The following KXD1 variants were observed in gnomAD, a reference collection of about 807,000 sequenced individuals.
The protein encoded by KXD1 is KxDL motif containing 1.
KXD1 carries 5 observed loss-of-function variants against 12.1 expected under a neutral mutation model. That is an observed-to-expected ratio of 0.41 (90% confidence interval 0.22 to 0.87). The LOEUF (loss-of-function observed/expected upper bound fraction) is 0.87, where lower values mean the gene tolerates loss of function less well. Ranked by LOEUF, KXD1 falls within the 40% of genes least tolerant of loss-of-function variation. The pLI is 0.31. For synonymous variants in KXD1, 98 were observed against 100.5 expected (o/e 0.98, Z 0.15); for missense variants, 193 against 244.9 (o/e 0.79, Z 1.41).
At chr19:18,561,960 G>A in intron 1 of KXD1, 76 bp from the exon 2 acceptor site, 3 of 903,538 alleles carry the variant, frequency 3.3e-6, no homozygotes, top group Non-Finnish European at 5.0e-6. Flanking sequence ...TCCAGCACAT[G>A]GCGGTCCCGG....
At chr19:18,567,561 A>G (rs1259315291) in intron 4 of KXD1, among the ~76,000 whole-genome samples, 2 of 152,098 alleles carry the variant, frequency 1.3e-5, no homozygotes, top group South Asian at 2.1e-4. Context: ...GCTGTTACCC[A>G]CAGTCACCCA....
intron 4 of KXD1, among the ~76,000 whole-genome samples, chr19:18,567,875 T>C (rs1224039184): frequency 6.6e-6 from 1 of 152,198 alleles, no homozygotes; most frequent in Non-Finnish European, 1.5e-5. Flanking sequence ...TCAGGGCTCC[T>C]GTAGGCCTAA....
At chr19:18,567,093 T>C in intron 3 of KXD1, 39 bp from the exon 4 acceptor site, 1 of 1,609,548 alleles carries the variant, frequency 6.2e-7, no homozygotes, top group Non-Finnish European at 8.5e-7. Context: ...GCCTACCTGC[T>C]CAGCAGGTTA....
chr19:18,561,924 A>T (rs1974932426), intron 1 of KXD1, 112 bp from the exon 2 acceptor site: 1 of 604,694 alleles, frequency 1.7e-6, no homozygotes, highest in Non-Finnish European at 2.8e-6. Context: ...TCCCCACTGT[A>T]GGATACCACC....
At chr19:18,559,903 TCTCTCTCTTTCTCTC>T (rs1242458362) in intron 1 of KXD1, 62 of 97,920 alleles carry the variant, frequency 6.3e-4, no homozygotes, top group African/African-American at 1.8e-3. Flanking sequence ...TTTCTCTGTC[TCTCTCTCTTTCTCTC>T]CTCTCTCTTT....
intron 4 of KXD1, among the ~76,000 whole-genome samples, chr19:18,567,669 C>T (rs1000954637): frequency 7.9e-5 from 12 of 152,280 alleles, no homozygotes; most frequent in African/African-American, 2.9e-4. Context: ...AGAGAGCTCG[C>T]GTGTTCTCTG....
At chr19:18,558,379 C>T (rs534544695) in intron 1 of KXD1, 1 of 152,288 alleles carries the variant, frequency 6.6e-6, no homozygotes, top group Non-Finnish European at 1.5e-5. Context: ...GAGCCCGCCC[C>T]TGTGAGCCTC....
At chr19:18,565,061 C>A in intron 3 of KXD1, 40 bp downstream of exon 3, 1 of 1,590,058 alleles carries the variant, frequency 6.3e-7, no homozygotes. Context: ...TGACCTCTGC[C>A]TCCACCTCCC....
At chr19:18,567,284 T>C in intron 4 of KXD1, 106 bp downstream of exon 4, 1 of 1,155,844 alleles carries the variant, frequency 8.7e-7, no homozygotes, top group South Asian at 1.3e-5. Flanking sequence ...CAGGCTGTAA[T>C]GGGCAGTGGG....
At chr19:18,565,909 A>G (rs973042647) in intron 3 of KXD1, among the ~76,000 whole-genome samples, 7 of 152,168 alleles carry the variant, frequency 4.6e-5, no homozygotes, top group Non-Finnish European at 8.8e-5. Flanking sequence ...GCTAGTCTCA[A>G]ACTCCTGAGC....
intron 2 of KXD1, among the ~76,000 whole-genome samples, chr19:18,562,539 C>T (rs1458618719): frequency 6.6e-6 from 1 of 152,232 alleles, no homozygotes; most frequent in Non-Finnish European, 1.5e-5. Flanking sequence ...TGCCTCACTG[C>T]AACCTCCGCC....
chr19:18,560,949 C>T (rs1974897110), intron 1 of KXD1, among the ~76,000 whole-genome samples: 1 of 152,110 alleles, frequency 6.6e-6, no homozygotes, highest in African/African-American at 2.4e-5. Flanking sequence ...TCGTGATCCA[C>T]CTGCCTCGCC....
At chr19:18,567,354 G>T in intron 4 of KXD1, 176 bp downstream of exon 4, 1 of 664,038 alleles carries the variant, frequency 1.5e-6, no homozygotes, top group Non-Finnish European at 2.7e-6. Flanking sequence ...GTCAGCAGCT[G>T]GCAGAGTGGG....
intron 2 of KXD1, among the ~76,000 whole-genome samples, chr19:18,562,784 G>A (rs1360706480): frequency 3.9e-5 from 6 of 152,202 alleles, no homozygotes; most frequent in East Asian, 1.9e-4. Context: ...TTATGCTGGT[G>A]CGCCTACTTC....
At chr19:18,559,990 T>TTCCC (rs138084460) in intron 1 of KXD1, 58,465 of 122,628 alleles carry the variant, frequency 0.48, 14,774 homozygotes, top group East Asian at 0.62. Flanking sequence ...CCTTCCTTCC[T>TTCCC]TCCCTCCCTC....
chr19:18,562,336 A>G (rs1390934297), intron 2 of KXD1, among the ~76,000 whole-genome samples, 179 bp downstream of exon 2: 1 of 152,236 alleles, frequency 6.6e-6, no homozygotes, highest in Non-Finnish European at 1.5e-5. Flanking sequence ...TGGCACAGGA[A>G]GCAGGGCTTT....
chr19:18,567,037 C>A, intron 3 of KXD1, 95 bp from the exon 4 acceptor site: 1 of 1,137,722 alleles, frequency 8.8e-7, no homozygotes, highest in Middle Eastern at 2.2e-4. Flanking sequence ...CCCGTCTCCC[C>A]TTGCCCTCAG....
Position 18,569,029 on chromosome 19 carries a change from T to G in KXD1, c.*398T>G. The G allele has an allele frequency of 4.5e-6, 1 of 223,818 alleles. No individual in the cohort carries two copies. The highest frequency in any genetic ancestry group is 8.9e-6 in the Non-Finnish European group (1 of 111,952). 13.9% of individuals were successfully genotyped at this position (223,818 alleles called of 1,614,324 possible). Reference sequence around the variant, plus strand: ...CTCCTTGAGGTGCACAAGCACGGTCTCCTCTGAGTTCACCCCAGCCCACCC... The same window carrying G: ...CTCCTTGAGGTGCACAAGCACGGTCGCCTCTGAGTTCACCCCAGCCCACCC... On this transcript the variant is annotated 3_prime_UTR_variant, in exon 5 of 5. Coordinates refer to ENST00000222307, the MANE Select transcript of KXD1 (RefSeq NM_024069.4).
chr19:18,565,876 C>T (rs1306470567), intron 3 of KXD1, among the ~76,000 whole-genome samples: 2 of 152,064 alleles, frequency 1.3e-5, no homozygotes, highest in Non-Finnish European at 2.9e-5. Flanking sequence ...TTAGTAGAGA[C>T]GAGATTTCAC....
Sources: allele counts gnomAD v4.1 joint callset (sites outside exome capture counted in the v4.1 genomes callset), GRCh38; gene constraint gnomAD v4.1.1; transcripts MANE v1.5; gene names NCBI Gene and HGNC (gene_info 2026-07-23, HGNC 2026-07-21).